The following CASQ2 variants were observed in gnomAD, a reference collection of about 807,000 sequenced individuals.
CASQ2 encodes the protein calsequestrin-2.
In CASQ2, 49 loss-of-function variants were observed where a neutral mutation model predicts 46.5. The observed-to-expected ratio is 1.05, with a 90% CI of 0.84 to 1.34. The LOEUF (loss-of-function observed/expected upper bound fraction) is 1.34. CASQ2 is among the 40% of genes most tolerant of loss of function. The probability of loss-of-function intolerance (pLI) is 0.00; values close to 1 mark genes in which losing one functional copy is unlikely to be tolerated. For missense variants in CASQ2, 486 were observed against 481.3 expected (o/e 1.01, Z -0.09); for synonymous variants, 174 against 168.5 (o/e 1.03, Z -0.25).
Position 115,727,024 on chromosome 1 carries a change from C to T in CASQ2, c.705G>A (p.Glu235=). ...GTTCCTTCACAAACTCCACCAGCTC[C>T]TCTTCTGTGTAAGGTTTGTTGGGGA... ...IAIPNKPYTE[E]ELVEFVKEHQ... Residue 235 remains glutamate (E), a synonymous_variant, in exon 6 of 11, where the codon GAG becomes GAA. Coordinates refer to ENST00000261448, the MANE Select transcript of CASQ2 (RefSeq NM_001232.4). The T allele has an allele frequency of 6.2e-7, 1 of 1,613,956 alleles. No individual in the cohort carries two copies. Among genetic ancestry groups the T allele is most frequent in the Non-Finnish European group, 8.5e-7 (1 of 1,179,920 alleles).
chr1:115,740,081 T>C (rs1304132172), intron 3 of CASQ2, among the ~76,000 whole-genome samples: 1 of 152,250 alleles, frequency 6.6e-6, no homozygotes, highest in Non-Finnish European at 1.5e-5. Flanking sequence ...TACTGGCTGG[T>C]AGATAAAGAA....
In CASQ2 at chr1:115,702,934, A is replaced by G; in HGVS notation, c.1001T>C (p.Val334Ala). Reference protein sequence around the residue: ...IDLFRPQIGVVNVTDADSVWM... With the variant: ...IDLFRPQIGVANVTDADSVWM... Reference sequence around the variant, plus strand: ...GGGGATACTCACATCTGTGACATTCACCACCCCAATCTGTGGCCTGAATAG... The same window carrying G: ...GGGGATACTCACATCTGTGACATTCGCCACCCCAATCTGTGGCCTGAATAG... The change falls in exon 10 of 11, where the codon GTG becomes GCG. Residue 334 changes from valine to alanine, a missense_variant. Val to Ala is a moderately conservative substitution (Grantham distance 64). Coordinates refer to ENST00000261448, the MANE Select transcript of CASQ2 (RefSeq NM_001232.4). 2 of 1,613,384 alleles carry G rather than the reference A, an allele frequency of 1.2e-6. No homozygotes were observed. The highest frequency in any genetic ancestry group is 2.2e-5 in the South Asian group (2 of 90,932).
intron 8 of CASQ2, among the ~76,000 whole-genome samples, chr1:115,709,447 A>C (rs1654472575): frequency 6.6e-6 from 1 of 152,194 alleles, no homozygotes; most frequent in Admixed American, 6.5e-5. Flanking sequence ...GACTATGGTC[A>C]TGTATGTTTC....
At chr1:115,746,919 T>A (rs778231824) in intron 1 of CASQ2, among the ~76,000 whole-genome samples, 4 of 152,164 alleles carry the variant, frequency 2.6e-5, no homozygotes, top group Non-Finnish European at 4.4e-5. Flanking sequence ...CTTTTTTGTG[T>A]TGAGAACATT....
intron 5 of CASQ2, among the ~76,000 whole-genome samples, chr1:115,729,460 A>G (rs1647714651): frequency 6.6e-6 from 1 of 152,176 alleles, no homozygotes; most frequent in Non-Finnish European, 1.5e-5. Flanking sequence ...AGTGGGGCCT[A>G]CTGAACCCAA....
Position 115,701,364 on chromosome 1 carries a change from C to G in CASQ2, c.1077G>C (p.Glu359Asp). The G allele has an allele frequency of 6.2e-7, 1 of 1,613,902 alleles. No homozygotes were observed. Residue 359 changes from glutamate to aspartate, a missense_variant, in exon 11 of 11, where the codon GAG becomes GAC. By Grantham distance (45) the Glu-to-Asp change is conservative. Transcript: ENST00000261448. The part of the protein sequence containing the change: ...DDDLPTAEEL[E>D]DWIEDVLSGK... ...CAGAAAGCACATCCTCAATCCAGTCCTCCAGCTCCTCAGCAGTTGGAAGAT... is the reference window on the plus strand; with the variant it reads ...CAGAAAGCACATCCTCAATCCAGTCGTCCAGCTCCTCAGCAGTTGGAAGAT...
At chr1:115,720,529 A>G (rs1647332354) in intron 7 of CASQ2, among the ~76,000 whole-genome samples, 1 of 152,222 alleles carries the variant, frequency 6.6e-6, no homozygotes. Flanking sequence ...CACCAGCAGA[A>G]CAGGCTCCAT....
At chr1:115,740,115 T>A (rs1250416194) in intron 3 of CASQ2, among the ~76,000 whole-genome samples, 1 of 152,208 alleles carries the variant, frequency 6.6e-6, no homozygotes, top group Non-Finnish European at 1.5e-5. Context: ...TGCTCAACAC[T>A]AGGTTCTTTA....
At chr1:115,730,677 G>T (rs1001411863) in intron 5 of CASQ2, among the ~76,000 whole-genome samples, 1 of 152,108 alleles carries the variant, frequency 6.6e-6, no homozygotes, top group African/African-American at 2.4e-5. Flanking sequence ...GCCAAGACTT[G>T]CTATCTTAAG....
intron 8 of CASQ2, among the ~76,000 whole-genome samples, chr1:115,707,812 C>CA (rs1654408607): frequency 6.6e-6 from 1 of 152,178 alleles, no homozygotes; most frequent in Admixed American, 6.5e-5. Flanking sequence ...GTAAAAGGGA[C>CA]ATGACAAAAC....
At chr1:115,747,843 GGTTTTTGTTTT>G (rs71096833) in intron 1 of CASQ2, among the ~76,000 whole-genome samples, 30,589 of 151,982 alleles carry the variant, frequency 0.2, 4,433 homozygotes, top group African/African-American at 0.41. Context: ...AGTTCTAAGA[GGTTTTTGTTTT>G]GTAGATTCCT....
At position 115,701,150 on chromosome 1, in the gene CASQ2, T is replaced by C; in HGVS notation, c.*91A>G. The C allele has an allele frequency of 6.2e-7, 1 of 1,603,388 alleles. No homozygotes were observed. The highest frequency in any genetic ancestry group is 1.1e-5 in the South Asian group (1 of 90,786). ...GGAAAAGGGAAAGGAGCTGGCTGGG[T>C]GTGGGGCAGAATTGCTTGCTGCCAC... is the stretch of plus-strand genomic sequence containing the variant. On this transcript the variant is annotated 3_prime_UTR_variant, in exon 11 of 11. Coordinates refer to ENST00000261448, the MANE Select transcript of CASQ2 (RefSeq NM_001232.4).
intron 8 of CASQ2, among the ~76,000 whole-genome samples, chr1:115,709,530 C>T (rs1201624151): frequency 6.6e-6 from 1 of 152,080 alleles, no homozygotes; most frequent in Admixed American, 6.5e-5. Context: ...GATGTGTAGG[C>T]TAATAGTTAT....
intron 2 of CASQ2, among the ~76,000 whole-genome samples, chr1:115,743,793 G>C (rs549730760): frequency 6.6e-6 from 1 of 151,014 alleles, no homozygotes; most frequent in Non-Finnish European, 1.5e-5. Context: ...TTCTTCACTG[G>C]TCATGCAGAA....
intron 2 of CASQ2, among the ~76,000 whole-genome samples, chr1:115,741,264 T>G (rs960788199): frequency 1.3e-5 from 2 of 152,204 alleles, no homozygotes; most frequent in Non-Finnish European, 2.9e-5. Context: ...TGCTCTCTTG[T>G]CCCCTGTGGG....
At chr1:115,748,179 C>A (rs1217870705) in intron 1 of CASQ2, among the ~76,000 whole-genome samples, 1 of 152,202 alleles carries the variant, frequency 6.6e-6, no homozygotes. Context: ...CTCTACAACT[C>A]ATACTATAAA....
At chr1:115,754,959 C>T (rs1648708938) in intron 1 of CASQ2, among the ~76,000 whole-genome samples, 2 of 152,202 alleles carry the variant, frequency 1.3e-5, no homozygotes, top group African/African-American at 4.8e-5. Flanking sequence ...GGGCCCACCC[C>T]AGAGTTTCTG....
chr1:115,732,388 G>A (rs1647819471), intron 5 of CASQ2, among the ~76,000 whole-genome samples: 1 of 152,170 alleles, frequency 6.6e-6, no homozygotes, highest in Non-Finnish European at 1.5e-5. Context: ...CTACAGAAGT[G>A]GTTCATCATA....
intron 4 of CASQ2, 75 bp downstream of exon 4, chr1:115,738,149 T>C (rs1034129924): frequency 2.2e-6 from 2 of 894,864 alleles, no homozygotes; most frequent in Admixed American, 3.4e-5. Context: ...ACCCATCCTC[T>C]TTTGGGGTAA....
Sources: gnomAD v4.1 joint callset for allele counts (sites outside exome capture counted in the v4.1 genomes callset) on GRCh38, gnomAD v4.1.1 for gene constraint, MANE v1.5 for transcripts, NCBI Gene and HGNC (gene_info 2026-07-23, HGNC 2026-07-21) for gene names.